Variants in SRGAP1 observed in about 807,000 individuals in gnomAD.
The protein encoded by SRGAP1 is SLIT-ROBO Rho GTPase-activating protein 1.
A neutral mutation model predicts 121.9 loss-of-function variants in SRGAP1; 43 were observed. That is an observed-to-expected ratio of 0.35 (90% CI 0.28 to 0.46). The LOEUF (loss-of-function observed/expected upper bound fraction) is 0.46, where lower values mean the gene tolerates loss of function less well. SRGAP1 is among the 20% of genes least tolerant of loss of function. The pLI is 1.00. For synonymous variants in SRGAP1, 447 were observed against 485.4 expected (o/e 0.92, Z 1.04); for missense variants, 1,102 against 1,350.9 (o/e 0.82, Z 2.89).
chr12:63,993,704 A>T (rs943324519), intron 3 of SRGAP1, among the ~76,000 whole-genome samples: 1 of 151,980 alleles, frequency 6.6e-6, no homozygotes, highest in Non-Finnish European at 1.5e-5. Context: ...AATTTCAGGA[A>T]TTTTTTTCTG....
intron 1 of SRGAP1, among the ~76,000 whole-genome samples, chr12:63,965,130 G>C (rs1272482949): frequency 1.3e-5 from 2 of 152,114 alleles, no homozygotes; most frequent in Non-Finnish European, 2.9e-5. Context: ...CTGTTATAAG[G>C]ATTCAAGGTA....
intron 4 of SRGAP1, among the ~76,000 whole-genome samples, chr12:64,022,905 C>T (rs573744236): frequency 1.1e-3 from 164 of 152,056 alleles, no homozygotes; most frequent in African/African-American, 3.8e-3. Context: ...AGAGAGGGGC[C>T]ATAAATAAAT....
In SRGAP1 at chr12:64,158,774, G is replaced by GA. The variant is rs199700680; in HGVS notation, c.*16104dup. ...GTGACAGGGTGAGACTCCATCTTAAGAAGAAAAAAAAAGCAATTACTTTTG... is the reference window on the plus strand; with the variant it reads ...GTGACAGGGTGAGACTCCATCTTAAGAAAGAAAAAAAAAGCAATTACTTTTG... On this transcript the variant is annotated 3_prime_UTR_variant, in exon 22 of 22. Coordinates refer to ENST00000355086, the MANE Select transcript of SRGAP1 (RefSeq NM_020762.4). 6,531 of 149,100 alleles carry GA rather than the reference G, an allele frequency of 0.044. 459 individuals are homozygous for GA. Among genetic ancestry groups the GA allele is most frequent in the African/African-American group, 0.15 (6,145 of 40,602 alleles). The allele number at this position is 149,100 out of a possible 1,614,324, so 9.2% of individuals were successfully genotyped here. A position where few individuals can be genotyped will look rare whatever the true frequency, so the allele number is the denominator to read the frequency against.
Position 64,161,553 on chromosome 12 carries a change from A to T in SRGAP1, c.*18881A>T, listed in dbSNP as rs2037209251. On this transcript the variant is annotated 3_prime_UTR_variant, in exon 22 of 22. Transcript: ENST00000355086. ...CCTGTCCTTATTTGACAGGTCCTATATATTTTTTTATTTTGAGATTATTAG... is the reference window on the plus strand; with the variant it reads ...CCTGTCCTTATTTGACAGGTCCTATTTATTTTTTTATTTTGAGATTATTAG... The T allele has an allele frequency of 6.6e-6, 1 of 152,040 alleles. No individual in the cohort carries two copies. The highest frequency in any genetic ancestry group is 2.1e-4 in the South Asian group (1 of 4,828). 9.4% of individuals were successfully genotyped at this position (152,040 alleles called of 1,614,324 possible).
chr12:63,975,276 T>C (rs2033062580), intron 1 of SRGAP1, among the ~76,000 whole-genome samples: 1 of 152,146 alleles, frequency 6.6e-6, no homozygotes, highest in Non-Finnish European at 1.5e-5. Context: ...TTCTGTACTG[T>C]GTTTGCCTTG....
chr12:63,907,444 A>C lies in SRGAP1; in HGVS notation c.67+62561A>C, dbSNP rs1223014555. 3.9e-5 allele frequency among the ~76,000 whole-genome samples: 6 copies of C among 152,222 alleles called. No individual in the cohort carries two copies. In the East Asian group the frequency reaches 9.7e-4, roughly 25 times the overall value. ...TCCCAGCTACTAGGGAGGCTGAGGC[A>C]GGGGAATCGCTTGATCCTGGGAGGT... On this transcript the variant is annotated intron_variant, in intron 1 of 21. Transcript: ENST00000355086.
intron 12 of SRGAP1, among the ~76,000 whole-genome samples, chr12:64,092,744 A>G (rs2036079053): frequency 6.6e-6 from 1 of 152,210 alleles, no homozygotes; most frequent in Non-Finnish European, 1.5e-5. Context: ...CGATAAAATG[A>G]AAGCAATGAG....
intron 1 of SRGAP1, among the ~76,000 whole-genome samples, chr12:63,981,031 G>A (rs1413784083): frequency 2.6e-5 from 4 of 152,176 alleles, no homozygotes; most frequent in Non-Finnish European, 5.9e-5. Flanking sequence ...ATGTTTTGGA[G>A]TTGATTTTCG....
intron 1 of SRGAP1, among the ~76,000 whole-genome samples, chr12:63,909,605 T>C (rs1257871907): frequency 6.6e-6 from 1 of 152,266 alleles, no homozygotes; most frequent in Non-Finnish European, 1.5e-5. Context: ...ATGGCTCTGC[T>C]GTCGTATTTA....
At position 64,144,385 on chromosome 12, in the gene SRGAP1, A is replaced by G. The variant is rs2037016716; in HGVS notation, c.*1713A>G. 6.6e-6 allele frequency: 1 copy of G among 151,506 alleles called. No individual in the cohort carries two copies. Among genetic ancestry groups the G allele is most frequent in the Non-Finnish European group, 1.5e-5 (1 of 67,802 alleles). The allele number at this position is 151,506 out of a possible 1,614,324, so 9.4% of individuals were successfully genotyped here. ...AGTGTAGATTTTACTTCATCAGCCC[A>G]TTGGTGAATGCATCGTGCAGAAAAG... On this transcript the variant is annotated 3_prime_UTR_variant, in exon 22 of 22. Transcript: ENST00000355086.
chr12:63,949,194 T>C (rs2032194187), intron 1 of SRGAP1, among the ~76,000 whole-genome samples: 2 of 136,190 alleles, frequency 1.5e-5, no homozygotes, highest in East Asian at 2.2e-4. Context: ...TATTTTTTTT[T>C]CCATATATAT....
chr12:63,954,397 C>G (rs1023398232), intron 1 of SRGAP1, among the ~76,000 whole-genome samples: 1 of 152,084 alleles, frequency 6.6e-6, no homozygotes, highest in Non-Finnish European at 1.5e-5. Flanking sequence ...AAGAAAAAAG[C>G]ACTGGGCGCC....
chr12:63,852,627 A>C (rs958326225), intron 1 of SRGAP1, among the ~76,000 whole-genome samples: 4 of 152,204 alleles, frequency 2.6e-5, no homozygotes, highest in Non-Finnish European at 5.9e-5. Context: ...TTTTGTTTTA[A>C]ATTGTCTCTA....
rs2037170291 is a variant in SRGAP1 at position 64,157,156 on chromosome 12, G to A, written c.*14484G>A. ...CAGACCCCCACTGTAACAAAGGGAT[G>A]TGTCTACCTCTAAATTCATCATTTA... On this transcript the variant is annotated 3_prime_UTR_variant, in exon 22 of 22. Coordinates refer to ENST00000355086, the MANE Select transcript of SRGAP1 (RefSeq NM_020762.4). 1 of 152,236 alleles carries A rather than the reference G, an allele frequency of 6.6e-6. No individual in the cohort carries two copies. The highest frequency in any genetic ancestry group is 1.5e-5 in the Non-Finnish European group (1 of 68,062). 9.4% of individuals were successfully genotyped at this position (152,236 alleles called of 1,614,324 possible). A position where few individuals can be genotyped will look rare whatever the true frequency, so the allele number is the denominator to read the frequency against.
chr12:63,977,197 C>T (rs1162944797), intron 1 of SRGAP1, among the ~76,000 whole-genome samples: 6 of 152,060 alleles, frequency 3.9e-5, no homozygotes, highest in African/African-American at 4.8e-5. Context: ...CAATAGAGCC[C>T]GTTGGCATCT....
intron 8 of SRGAP1, among the ~76,000 whole-genome samples, chr12:64,068,285 AAAAAAAAAAAAG>A (rs1180936853): frequency 2.8e-4 from 31 of 111,838 alleles, no homozygotes; most frequent in Middle Eastern, 5.6e-3. Context: ...AAAAAAAAAA[AAAAAAAAAAAAG>A]TAGTAGGCAC....
chr12:63,904,018 C>T (rs1034765332), intron 1 of SRGAP1, among the ~76,000 whole-genome samples: 5 of 152,078 alleles, frequency 3.3e-5, no homozygotes, highest in Non-Finnish European at 7.4e-5. Flanking sequence ...AAAAAATAAA[C>T]TCCATGTTGT....
chr12:64,078,502 G>A lies in SRGAP1; in HGVS notation c.1126-417G>A, dbSNP rs567168785. On this transcript the variant is annotated intron_variant, in intron 8 of 21. Coordinates refer to ENST00000355086, the MANE Select transcript of SRGAP1 (RefSeq NM_020762.4). The stretch of plus-strand genomic sequence containing the variant: ...GGGTATAGGTGTATGGTAATTGGGA[G>A]AGGCACAAGCAGTCTCATAATATAC... Among the ~76,000 whole-genome samples, 3 of 152,344 alleles carry A rather than the reference G, an allele frequency of 2.0e-5. No homozygotes were observed. The East Asian group carries it at 5.8e-4, about 29-fold the overall frequency.
rs2037049568 is a variant in SRGAP1, at chr12:64,146,255, ATAATT to A, written c.*3586_*3590del. 6.6e-6 allele frequency: 1 copy of A among 152,206 alleles called. No individual in the cohort carries two copies. Among genetic ancestry groups the A allele is most frequent in the Non-Finnish European group, 1.5e-5 (1 of 68,040 alleles). The allele number at this position is 152,206 out of a possible 1,614,324, so 9.4% of individuals were successfully genotyped here. On this transcript the variant is annotated 3_prime_UTR_variant, in exon 22 of 22. Transcript: ENST00000355086. ...TGGTGCCCCTTGAGCCACCTGTAGA[ATAATT>A]TATAGCAGGGTCCCACAATCTACTG...
Sources: gnomAD v4.1 joint callset for allele counts (sites outside exome capture counted in the v4.1 genomes callset) on GRCh38, gnomAD v4.1.1 for gene constraint, MANE v1.5 for transcripts, NCBI Gene and HGNC (gene_info 2026-07-23, HGNC 2026-07-21) for gene names.